Variants in KALRN observed in about 807,000 individuals in gnomAD.
KALRN encodes the protein kalirin.
KALRN carries 70 observed loss-of-function variants against 353.7 expected under a neutral mutation model. The observed-to-expected ratio is 0.20, with a 90% confidence interval of 0.16 to 0.24. The LOEUF (loss-of-function observed/expected upper bound fraction) is 0.24, where lower values mean the gene tolerates loss of function less well. Among genes scored for constraint, KALRN ranks in the 10% least tolerant of loss-of-function variants. KALRN has a pLI of 1.00. For missense variants in KALRN, 2,791 were observed against 3,756.7 expected (o/e 0.74, Z 6.72); for synonymous variants, 1,391 against 1,434.8 (o/e 0.97, Z 0.69).
At chr3:124,634,706 T>C (rs914768388) in intron 36 of KALRN, among the ~76,000 whole-genome samples, 1 of 152,198 alleles carries the variant, frequency 6.6e-6, no homozygotes, top group Non-Finnish European at 1.5e-5. Flanking sequence ...ATCACCTTTT[T>C]TTTTCTGCCT....
chr3:124,668,751 G>A (rs149067553), intron 47 of KALRN, among the ~76,000 whole-genome samples: 1,865 of 152,280 alleles, frequency 0.012, 41 homozygotes, highest in African/African-American at 0.042. Context: ...AGCCCTGAGG[G>A]ATGGTAATGA....
intron 34 of KALRN, among the ~76,000 whole-genome samples, chr3:124,626,892 A>C (rs767749657): frequency 6.6e-6 from 1 of 152,222 alleles, no homozygotes. Flanking sequence ...GCCAGTCACT[A>C]TGAGCCTCAG....
At position 124,674,519 on chromosome 3, in the gene KALRN, C is replaced by A; in HGVS notation, c.7098C>A (p.Ser2366Arg). The stretch of plus-strand genomic sequence containing the variant: ...TGTGTCTGGTGTACCAGCCTGCCAG[C>A]GACCATTCCCCCGCCGCCGAGGGCT... ...QNMCLVYQPA[S>R]DHSPAAEGWV... is the part of the protein sequence containing the mutation. The change falls in exon 49 of 60, where the codon AGC (serine) becomes AGA (arginine). Residue 2366 changes from serine to arginine, a missense_variant. Ser to Arg is a moderately radical substitution (Grantham distance 110). Around this residue, in one of 11 missense-constraint regions of KALRN, gnomAD observed 1,065 missense variants for 1,156.4 expected, o/e 0.92. Coordinates refer to ENST00000682506, the MANE Select transcript of KALRN (RefSeq NM_001388419.1). 6.2e-7 allele frequency: 1 copy of A among 1,613,860 alleles called. No individual in the cohort carries two copies. The highest frequency in any genetic ancestry group is 8.5e-7 in the Non-Finnish European group (1 of 1,179,926).
chr3:124,079,348 T>C (rs2060421157), intron 1 of KALRN, among the ~76,000 whole-genome samples: 1 of 152,210 alleles, frequency 6.6e-6, no homozygotes, highest in Non-Finnish European at 1.5e-5. Context: ...TAAGAATCAT[T>C]GTGATGGATA....
chr3:124,630,491 G>A (rs1357678135), intron 34 of KALRN, among the ~76,000 whole-genome samples: 1 of 152,110 alleles, frequency 6.6e-6, no homozygotes, highest in East Asian at 1.9e-4. Flanking sequence ...CCGCCTCCTG[G>A]GTTCAAGTGA....
chr3:124,435,013 A>T (rs772904447), intron 17 of KALRN, among the ~76,000 whole-genome samples: 10 of 152,196 alleles, frequency 6.6e-5, no homozygotes, highest in Non-Finnish European at 1.5e-4. Flanking sequence ...AAGCCATCTC[A>T]GGCACATTTA....
chr3:124,469,201 G>C (rs544980948), intron 25 of KALRN, among the ~76,000 whole-genome samples: 1 of 152,368 alleles, frequency 6.6e-6, no homozygotes, highest in African/African-American at 2.4e-5. Flanking sequence ...ATATTCAACA[G>C]GTAACCATGC....
intron 1 of KALRN, among the ~76,000 whole-genome samples, chr3:124,176,309 AGTT>A (rs891881106): frequency 6.6e-6 from 1 of 152,124 alleles, no homozygotes; most frequent in Non-Finnish European, 1.5e-5. Context: ...CCGCAGTAGT[AGTT>A]GTTGAAGTGA....
In KALRN at chr3:124,338,146, T is replaced by G. The variant is rs967446565; in HGVS notation, c.1647+3651T>G. The stretch of plus-strand genomic sequence containing the variant: ...ATGTCTCAATCCCCTTCAGTTCTTC[T>G]CTGATCTTAGTTATTTCTTGTCTTC... On this transcript the variant is annotated intron_variant, in intron 9 of 59. Coordinates refer to ENST00000682506, the MANE Select transcript of KALRN (RefSeq NM_001388419.1). Among the ~76,000 whole-genome samples, 10 of 152,294 alleles carry G rather than the reference T, an allele frequency of 6.6e-5. 1 individual carries two copies. The highest frequency in any genetic ancestry group is 2.4e-4 in the African/African-American group (10 of 41,564).
chr3:124,091,067 C>G (rs1422078661), intron 1 of KALRN, among the ~76,000 whole-genome samples: 1 of 152,190 alleles, frequency 6.6e-6, no homozygotes, highest in Non-Finnish European at 1.5e-5. Flanking sequence ...AAATGGTATC[C>G]CTGGGAATGT....
chr3:124,245,096 C>T (rs2080964347), intron 3 of KALRN, among the ~76,000 whole-genome samples: 2 of 152,148 alleles, frequency 1.3e-5, no homozygotes, highest in East Asian at 3.8e-4. Context: ...CTTATTCCTT[C>T]TATGTAACTG....
rs147503705 is a variant in KALRN at position 124,413,506 on chromosome 3, C to A, written c.2383C>A (p.Leu795Ile). The A allele has an allele frequency of 6.2e-7, 1 of 1,614,122 alleles. No individual in the cohort carries two copies. The highest frequency in any genetic ancestry group is 1.1e-5 in the South Asian group (1 of 91,062). ...AELDAWNEDL[L>I]RQMNDFNTED... is the part of the protein sequence containing the mutation. The stretch of plus-strand genomic sequence containing the variant: ...GCTAGACGCCTGGAATGAAGACTTG[C>A]TTCGGCAGATGAATGACTTCAACAC... Residue 795 changes from leucine (L) to isoleucine (I), a missense_variant, in exon 14 of 60, where the codon CTT (leucine) becomes ATT (isoleucine). This residue lies in a region of KALRN where 452 missense variants were observed against 575.8 expected (regional missense o/e 0.78). Coordinates refer to ENST00000682506, the MANE Select transcript of KALRN (RefSeq NM_001388419.1).
chr3:124,318,332 G>C (rs1482466833), intron 6 of KALRN, among the ~76,000 whole-genome samples: 1 of 152,224 alleles, frequency 6.6e-6, no homozygotes, highest in Non-Finnish European at 1.5e-5. Context: ...AGGGCACCCT[G>C]TGGTTCATGG....
Position 124,659,391 on chromosome 3 carries a change from G to A in KALRN, c.6150G>A (p.Arg2050=). The change falls in exon 43 of 60, where the codon AGG becomes AGA. Residue 2050 remains arginine (R), a synonymous_variant. Coordinates refer to ENST00000682506, the MANE Select transcript of KALRN (RefSeq NM_001388419.1). Reference sequence around the variant, plus strand: ...AGGTAAAACAGGAGATAAATCAGAGGCTGACACTGAGTGACTTCCTCATCA... The same window carrying A: ...AGGTAAAACAGGAGATAAATCAGAGACTGACACTGAGTGACTTCCTCATCA... ...FEEVKQEINQ[R]LTLSDFLIKP... 2 of 1,613,618 alleles carry A rather than the reference G, an allele frequency of 1.2e-6. No individual in the cohort carries two copies. Among genetic ancestry groups the A allele is most frequent in the Non-Finnish European group, 1.7e-6 (2 of 1,179,572 alleles).
intron 1 of KALRN, among the ~76,000 whole-genome samples, chr3:124,117,018 G>A (rs1188894187): frequency 1.3e-5 from 2 of 152,198 alleles, no homozygotes; most frequent in Non-Finnish European, 2.9e-5. Context: ...TTGAAGCAGA[G>A]TTACTCTATC....
intron 1 of KALRN, among the ~76,000 whole-genome samples, chr3:124,195,784 CT>C (rs1486788544): frequency 6.6e-6 from 1 of 152,244 alleles, no homozygotes; most frequent in African/African-American, 2.4e-5. Flanking sequence ...AAAAGGACAG[CT>C]GCTGAAGTCT....
At chr3:124,274,205 C>T (rs532694662) in intron 5 of KALRN, among the ~76,000 whole-genome samples, 2 of 152,346 alleles carry the variant, frequency 1.3e-5, no homozygotes, top group South Asian at 4.1e-4. Flanking sequence ...GTGAAGTCCA[C>T]ACGTCTACCT....
intron 5 of KALRN, among the ~76,000 whole-genome samples, chr3:124,278,458 G>GGTGTGTGT (rs55855993): frequency 0.019 from 2,725 of 145,426 alleles, 40 homozygotes; most frequent in African/African-American, 0.029. Flanking sequence ...GGACACTTCA[G>GGTGTGTGT]GTGTGTGTGT....
intron 38 of KALRN, among the ~76,000 whole-genome samples, chr3:124,654,107 C>T (rs1215783846): frequency 6.6e-6 from 1 of 152,224 alleles, no homozygotes; most frequent in Admixed American, 6.5e-5. Flanking sequence ...CCTCCCAGCC[C>T]CATATTCCCA....
Sources: allele counts gnomAD v4.1 joint callset (sites outside exome capture counted in the v4.1 genomes callset), GRCh38; gene constraint gnomAD v4.1.1; regional missense constraint gnomAD v4.1.1; transcripts MANE v1.5; gene names NCBI Gene and HGNC (gene_info 2026-07-23, HGNC 2026-07-21).